The following PRIM2 variants were observed in gnomAD, a reference collection of about 807,000 sequenced individuals.
The protein encoded by PRIM2 is DNA primase large subunit.
PRIM2 carries 39 observed loss-of-function variants against 67.3 expected under a neutral mutation model. The observed-to-expected ratio is 0.58, with a 90% CI of 0.45 to 0.76. The LOEUF is 0.76. Ranked by LOEUF, PRIM2 falls within the 30% of genes least tolerant of loss-of-function variation. The pLI, the probability that PRIM2 is intolerant of heterozygous loss-of-function variation, is 0.00. For synonymous variants in PRIM2, 143 were observed against 198.7 expected, an observed-to-expected ratio of 0.72 and a Z score of 2.36; for missense variants, 398 against 598.7, an observed-to-expected ratio of 0.66 and a Z score of 3.50.
chr6:57,465,212 G>A (rs1773144838), intron 7 of PRIM2, among the ~76,000 whole-genome samples: 1 of 152,192 alleles, frequency 6.6e-6, no homozygotes, highest in East Asian at 1.9e-4. Flanking sequence ...TGAAGACAGA[G>A]CCTCCCTTCT....
chr6:57,245,008 G>A, the PRIM2 span, among the ~76,000 whole-genome samples: 1 of 152,206 alleles, frequency 6.6e-6, no homozygotes, highest in African/African-American at 2.4e-5. Context: ...CTCAGGTACA[G>A]GCTGCAGGGA....
Position 57,634,889 on chromosome 6 carries a change from A to G in PRIM2, c.1299+2688A>G, listed in dbSNP as rs1777093856. Among the ~76,000 whole-genome samples, 3 of 152,306 alleles carry G rather than the reference A, an allele frequency of 2.0e-5. No individual in the cohort carries two copies. In the East Asian group the frequency reaches 5.8e-4, roughly 29 times the overall value. ...TCTAACTAACTTAAACCACACTTAAATCAACAAAATAAAAAGGCTGTTTGT... is the reference window on the plus strand; with the variant it reads ...TCTAACTAACTTAAACCACACTTAAGTCAACAAAATAAAAAGGCTGTTTGT... On this transcript the variant is annotated intron_variant, in intron 13 of 13. Coordinates refer to ENST00000615550, the MANE Select transcript of PRIM2 (RefSeq NM_000947.5).
intron 10 of PRIM2, among the ~76,000 whole-genome samples, chr6:57,574,401 CCTTG>C (rs2127482625): frequency 6.6e-6 from 1 of 152,260 alleles, no homozygotes; most frequent in African/African-American, 2.4e-5. Context: ...TCTACACTTT[CCTTG>C]CTTGTTTGTG....
chr6:57,224,476 G>A, the PRIM2 span, among the ~76,000 whole-genome samples: 2 of 152,166 alleles, frequency 1.3e-5, no homozygotes, highest in South Asian at 4.1e-4. Context: ...TATGTCTACA[G>A]TTCTAGCTTT....
the PRIM2 span, among the ~76,000 whole-genome samples, chr6:57,293,047 C>G: frequency 6.6e-6 from 1 of 152,234 alleles, no homozygotes; most frequent in East Asian, 1.9e-4. Flanking sequence ...TCAGAGTGAA[C>G]AGGCAACCTA....
At chr6:57,257,874 A>G in the PRIM2 span, among the ~76,000 whole-genome samples, 9 of 152,080 alleles carry the variant, frequency 5.9e-5, no homozygotes, top group Admixed American at 1.3e-4. Context: ...TTTCATTTTC[A>G]TTTATATTTC....
intron 12 of PRIM2, among the ~76,000 whole-genome samples, chr6:57,609,503 G>T (rs1161995534): frequency 6.6e-5 from 10 of 152,146 alleles, no homozygotes; most frequent in African/African-American, 2.4e-4. Flanking sequence ...CAGTCATAAA[G>T]AATCACCTTT....
At chr6:57,280,303 A>G in the PRIM2 span, among the ~76,000 whole-genome samples, 8 of 151,920 alleles carry the variant, frequency 5.3e-5, no homozygotes, top group Non-Finnish European at 1.2e-4. Flanking sequence ...ATCTTTTTAT[A>G]TGTTTGTGGT....
chr6:57,623,237 T>C (rs1332278767), intron 12 of PRIM2, among the ~76,000 whole-genome samples: 9 of 152,190 alleles, frequency 5.9e-5, no homozygotes, highest in African/African-American at 2.2e-4. Context: ...TTAGAATTGG[T>C]GTCACCAGGC....
At chr6:57,574,386 A>G (rs1244573710) in intron 10 of PRIM2, among the ~76,000 whole-genome samples, 7 of 152,268 alleles carry the variant, frequency 4.6e-5, no homozygotes, top group African/African-American at 1.4e-4. Context: ...TCCCACTTCA[A>G]TAAGTCTACA....
At chr6:57,253,565 A>G in the PRIM2 span, among the ~76,000 whole-genome samples, 2 of 152,186 alleles carry the variant, frequency 1.3e-5, no homozygotes, top group East Asian at 3.9e-4. Context: ...CACTGAGATC[A>G]TGGAGCTCGT....
intron 7 of PRIM2, among the ~76,000 whole-genome samples, chr6:57,483,528 T>G (rs1773678728): frequency 6.6e-6 from 1 of 152,154 alleles, no homozygotes; most frequent in Non-Finnish European, 1.5e-5. Flanking sequence ...AAACCAAACT[T>G]TATGAGTCTT....
intron 7 of PRIM2, among the ~76,000 whole-genome samples, chr6:57,424,600 A>T (rs1367433927): frequency 1.3e-5 from 2 of 152,212 alleles, no homozygotes; most frequent in African/African-American, 2.4e-5. Context: ...GGAAACTCTT[A>T]TATTAAGGAG....
intron 7 of PRIM2, among the ~76,000 whole-genome samples, chr6:57,501,349 G>T (rs1554346864): frequency 1.3e-5 from 2 of 151,918 alleles, no homozygotes; most frequent in African/African-American, 4.8e-5. Flanking sequence ...AGCCAGGCTG[G>T]ACTGCAGTGG....
intron 9 of PRIM2, among the ~76,000 whole-genome samples, chr6:57,534,430 C>T (rs1266966893): frequency 2.6e-5 from 4 of 152,140 alleles, no homozygotes; most frequent in African/African-American, 9.7e-5. Context: ...TATCCCCTAT[C>T]CTGGACTTAT....
chr6:57,634,260 C>G (rs1338057458), intron 13 of PRIM2, among the ~76,000 whole-genome samples: 1 of 152,166 alleles, frequency 6.6e-6, no homozygotes, highest in African/African-American at 2.4e-5. Flanking sequence ...CTCTAACTTG[C>G]CTTACATGCT....
chr6:57,462,196 A>G (rs1773030642), intron 7 of PRIM2, among the ~76,000 whole-genome samples: 1 of 152,182 alleles, frequency 6.6e-6, no homozygotes, highest in East Asian at 1.9e-4. Flanking sequence ...AAATCACAGG[A>G]GAGTGTGGTA....
At position 57,418,475 on chromosome 6, in the gene PRIM2, C is replaced by T. The variant is rs1771354628; in HGVS notation, c.693+36307C>T. ...GCAGTGGCATAATCTCGGCTCACTACAACCTCTGCCTCCCGGGTTCAAGCG... is the reference window on the plus strand; with the variant it reads ...GCAGTGGCATAATCTCGGCTCACTATAACCTCTGCCTCCCGGGTTCAAGCG... On this transcript the variant is annotated intron_variant, in intron 7 of 13. Coordinates refer to ENST00000615550, the MANE Select transcript of PRIM2 (RefSeq NM_000947.5). 4.4e-5 allele frequency among the ~76,000 whole-genome samples: 6 copies of T among 135,834 alleles called. No homozygotes were observed. In the South Asian group the frequency reaches 1.0e-3, roughly 23 times the overall value. The allele number at this position is 135,834 out of a possible 152,430, so 89.1% of individuals were successfully genotyped here.
chr6:57,533,200 C>T (rs1177883475), intron 9 of PRIM2, among the ~76,000 whole-genome samples: 1 of 151,906 alleles, frequency 6.6e-6, no homozygotes, highest in Non-Finnish European at 1.5e-5. Flanking sequence ...CTTATTTTAG[C>T]ATCATTTGAC....
Sources: gnomAD v4.1 joint callset for allele counts (sites outside exome capture counted in the v4.1 genomes callset) on GRCh38, gnomAD v4.1.1 for gene constraint, MANE v1.5 for transcripts, NCBI Gene and HGNC (gene_info 2026-07-23, HGNC 2026-07-21) for gene names.